The following POLR3B variants were observed in gnomAD, a reference collection of about 807,000 sequenced individuals.
POLR3B encodes DNA-directed RNA polymerase III subunit RPC2.
In POLR3B, 96 loss-of-function variants were observed where a neutral mutation model predicts 147.4. The ratio of observed to expected loss-of-function variants is 0.65; its 90% CI spans 0.55 to 0.77. The LOEUF (loss-of-function observed/expected upper bound fraction) is 0.77. Among genes scored for constraint, POLR3B ranks in the 30% least tolerant of loss-of-function variants. POLR3B has a pLI of 0.00. For missense variants in POLR3B, 1,036 were observed against 1,413.5 expected (o/e 0.73, Z 4.28); for synonymous variants, 461 against 485.9 (o/e 0.95, Z 0.67).
intron 9 of POLR3B, among the ~76,000 whole-genome samples, chr12:106,383,661 A>G (rs1203336682): frequency 6.6e-6 from 1 of 152,152 alleles, no homozygotes; most frequent in Non-Finnish European, 1.5e-5. Context: ...GTGGCACCCC[A>G]AAACAGTTAA....
intron 1 of POLR3B, among the ~76,000 whole-genome samples, chr12:106,358,856 G>T (rs1218348168): frequency 6.6e-6 from 1 of 152,144 alleles, no homozygotes; most frequent in East Asian, 1.9e-4. Flanking sequence ...ACAGAGCTTG[G>T]ACTTTGTCTT....
At chr12:106,379,453 GGTAACAATGC>G (rs1275275799) in intron 8 of POLR3B, among the ~76,000 whole-genome samples, 1 of 152,140 alleles carries the variant, frequency 6.6e-6, no homozygotes, top group Non-Finnish European at 1.5e-5. Flanking sequence ...AAGTAACATG[GGTAACAATGC>G]GTAGTAGCAG....
At chr12:106,398,117 T>C (rs957150969) in intron 10 of POLR3B, among the ~76,000 whole-genome samples, 2 of 152,036 alleles carry the variant, frequency 1.3e-5, no homozygotes, top group South Asian at 2.1e-4. Context: ...ACCTGGAAAA[T>C]CGGGTCACTC....
At chr12:106,428,774 G>A (rs2037469126) in intron 13 of POLR3B, among the ~76,000 whole-genome samples, 2 of 152,170 alleles carry the variant, frequency 1.3e-5, no homozygotes, top group South Asian at 4.1e-4. Context: ...TATGGTCGCT[G>A]TGTTTCTTTG....
intron 20 of POLR3B, among the ~76,000 whole-genome samples, chr12:106,455,465 C>T (rs1337069955): frequency 6.6e-6 from 1 of 152,144 alleles, no homozygotes; most frequent in Non-Finnish European, 1.5e-5. Context: ...CAAATGACAA[C>T]AGCCATGCTT....
intron 25 of POLR3B, 45 bp downstream of exon 25, chr12:106,496,963 C>G (rs368143446): frequency 3.9e-5 from 62 of 1,575,142 alleles, no homozygotes; most frequent in Non-Finnish European, 5.3e-5. Flanking sequence ...AATGGTTTTA[C>G]TAGGATAGGG....
At chr12:106,471,378 C>T (rs2038089175) in intron 23 of POLR3B, among the ~76,000 whole-genome samples, 1 of 152,166 alleles carries the variant, frequency 6.6e-6, no homozygotes, top group Non-Finnish European at 1.5e-5. Context: ...CTCATGGCTT[C>T]CCTTGGCTAG....
intron 18 of POLR3B, among the ~76,000 whole-genome samples, chr12:106,440,725 CTTT>C (rs139194243): frequency 2.1e-5 from 3 of 143,244 alleles, no homozygotes; most frequent in Non-Finnish European, 3.1e-5. Flanking sequence ...CTCTTTACTA[CTTT>C]TTTTTTTTTT....
chr12:106,358,738 G>A (rs998952141), intron 1 of POLR3B, among the ~76,000 whole-genome samples: 5 of 152,172 alleles, frequency 3.3e-5, no homozygotes, highest in African/African-American at 1.2e-4. Flanking sequence ...TGTTTTTGAG[G>A]AAGGAAAGTA....
chr12:106,502,322 G>C (rs980932629), intron 26 of POLR3B, among the ~76,000 whole-genome samples: 2 of 152,170 alleles, frequency 1.3e-5, no homozygotes, highest in African/African-American at 4.8e-5. Flanking sequence ...AGACAGACAA[G>C]GCTGTGATCT....
Position 106,457,303 on chromosome 12 carries a change from G to A in POLR3B, c.2452+7G>A. ...GATGGTATTTGTTCTCCAGGTAAAA[G>A]CCTTTTAAAAGAAAAAATTTTAATA... On this transcript the variant is annotated splice_region_variant and intron_variant, in intron 21 of 27. Coordinates refer to ENST00000228347, the MANE Select transcript of POLR3B (RefSeq NM_018082.6). 1.2e-6 allele frequency: 2 copies of A among 1,610,554 alleles called. No homozygotes were observed. Among genetic ancestry groups the A allele is most frequent in the South Asian group, 1.1e-5 (1 of 90,964 alleles).
At chr12:106,361,180 G>A (rs191963053) in intron 1 of POLR3B, among the ~76,000 whole-genome samples, 54 of 152,292 alleles carry the variant, frequency 3.5e-4, no homozygotes, top group African/African-American at 8.9e-4. Context: ...TGAAAGGGAC[G>A]AGCAGGAAGA....
chr12:106,410,741 T>G, intron 11 of POLR3B, 85 bp from the exon 12 acceptor site: 1 of 1,075,026 alleles, frequency 9.3e-7, no homozygotes, highest in Non-Finnish European at 1.4e-6. Context: ...CTTAGTTGAA[T>G]GTTATAGTAT....
intron 4 of POLR3B, among the ~76,000 whole-genome samples, chr12:106,367,459 A>G (rs779171257): frequency 3.9e-4 from 60 of 152,330 alleles, no homozygotes; most frequent in Admixed American, 2.7e-3. Context: ...GTAGGAATCA[A>G]TCCAGAGCTC....
At chr12:106,456,256 G>A (rs1023974103) in intron 20 of POLR3B, among the ~76,000 whole-genome samples, 4 of 152,176 alleles carry the variant, frequency 2.6e-5, no homozygotes, top group African/African-American at 9.6e-5. Context: ...TTTTCTTTTA[G>A]GGATTCAGTG....
chr12:106,460,293 A>G (rs12581936), intron 22 of POLR3B, among the ~76,000 whole-genome samples: 15,661 of 152,296 alleles, frequency 0.1, 856 homozygotes, highest in Middle Eastern at 0.19. Context: ...ACACTGTACC[A>G]GTTACTGTTC....
At chr12:106,490,606 A>G (rs532756383) in intron 23 of POLR3B, among the ~76,000 whole-genome samples, 2 of 152,224 alleles carry the variant, frequency 1.3e-5, no homozygotes, top group Non-Finnish European at 2.9e-5. Flanking sequence ...AGCCAATATG[A>G]TTCAACAGTT....
At chr12:106,450,742 GTGGAAA>G (rs1033660612) in intron 19 of POLR3B, among the ~76,000 whole-genome samples, 5 of 152,136 alleles carry the variant, frequency 3.3e-5, no homozygotes, top group African/African-American at 1.2e-4. Flanking sequence ...TATACTGCTG[GTGGAAA>G]TGTAAAGTGG....
At chr12:106,448,427 C>CT (rs869133588) in intron 19 of POLR3B, among the ~76,000 whole-genome samples, 2,212 of 50,582 alleles carry the variant, frequency 0.044, 556 homozygotes, top group Middle Eastern at 0.079. Flanking sequence ...TACGTTATTT[C>CT]TTTTTTTTTT....
Sources: gnomAD v4.1 joint callset for allele counts (sites outside exome capture counted in the v4.1 genomes callset) on GRCh38, gnomAD v4.1.1 for gene constraint, MANE v1.5 for transcripts, NCBI Gene and HGNC (gene_info 2026-07-23, HGNC 2026-07-21) for gene names.